SPAST: variants seen among roughly 807,000 people sequenced by gnomAD.
The protein encoded by SPAST is spastic paraplegia 4 (autosomal dominant; spastin).
A neutral mutation model predicts 76.6 loss-of-function variants in SPAST; 30 were observed. That is an observed-to-expected ratio of 0.39 (90% CI 0.29 to 0.53). The LOEUF (loss-of-function observed/expected upper bound fraction) is 0.53. SPAST is among the 20% of genes least tolerant of loss of function. The pLI is 0.68. For missense variants in SPAST, 717 were observed against 770.5 expected, an observed-to-expected ratio of 0.93 and a Z score of 0.82; for synonymous variants, 305 against 281.0, an observed-to-expected ratio of 1.09 and a Z score of -0.86.
chr2:32,083,771 TA>T lies in SPAST; in HGVS notation c.416-3720del, dbSNP rs1256256432. Among the ~76,000 whole-genome samples, 278 of 93,414 alleles carry T rather than the reference TA, an allele frequency of 3.0e-3. 6 individuals carry two copies. Among genetic ancestry groups the T allele is most frequent in the Non-Finnish European group, 4.4e-3 (218 of 49,002 alleles). The allele number at this position is 93,414 out of a possible 152,430, so 61.3% of individuals were successfully genotyped here. A position where few individuals can be genotyped will look rare whatever the true frequency, so the allele number is the denominator to read the frequency against. On this transcript the variant is annotated intron_variant, in intron 1 of 16. Coordinates refer to ENST00000315285, the MANE Select transcript of SPAST (RefSeq NM_014946.4). ...TATACTATATATATATATATATATA[TA>T]TATATTTTTTTTTTTTTTTGAGATG...
rs1357607987 is a variant in SPAST, at chr2:32,063,616, G to C, written c.-216G>C. 3 of 592,828 alleles carry C rather than the reference G, an allele frequency of 5.1e-6. No homozygotes were observed. The highest frequency in any genetic ancestry group is 5.7e-6 in the Non-Finnish European group (2 of 348,848). 36.7% of individuals were successfully genotyped at this position (592,828 alleles called of 1,614,324 possible). A position where few individuals can be genotyped will look rare whatever the true frequency, so the allele number is the denominator to read the frequency against. Reference sequence around the variant, plus strand: ...GACAGCGACAGGAAGGGAGGGGCCCGAGCCACCGACTGCAGGAGGAGAAGG... The same window carrying C: ...GACAGCGACAGGAAGGGAGGGGCCCCAGCCACCGACTGCAGGAGGAGAAGG... On this transcript the variant is annotated 5_prime_UTR_variant, in exon 1 of 17. Transcript: ENST00000315285.
chr2:32,086,316 G>A (rs1677472316), intron 1 of SPAST, among the ~76,000 whole-genome samples: 1 of 151,878 alleles, frequency 6.6e-6, no homozygotes, highest in Non-Finnish European at 1.5e-5. Context: ...ACAAAAATTA[G>A]CTAAGTGTGG....
chr2:32,137,019 C>G (rs763013768), intron 11 of SPAST, 51 bp downstream of exon 11: 1 of 1,257,126 alleles, frequency 8.0e-7, no homozygotes, highest in Non-Finnish European at 1.1e-6. Flanking sequence ...AGTATATTTT[C>G]CTATTAAATG....
intron 7 of SPAST, among the ~76,000 whole-genome samples, chr2:32,119,018 A>C (rs1337159358): frequency 6.6e-6 from 1 of 152,196 alleles, no homozygotes; most frequent in African/African-American, 2.4e-5. Flanking sequence ...AAGTTATTTC[A>C]AATAAAGTTG....
At chr2:32,118,986 A>C (rs1372904245) in intron 7 of SPAST, among the ~76,000 whole-genome samples, 1 of 152,188 alleles carries the variant, frequency 6.6e-6, no homozygotes. Context: ...AGAAGCTATA[A>C]TAATGTAAAA....
intron 1 of SPAST, among the ~76,000 whole-genome samples, chr2:32,080,642 A>G (rs1361349767): frequency 6.6e-6 from 1 of 152,124 alleles, no homozygotes; most frequent in Non-Finnish European, 1.5e-5. Flanking sequence ...ACTGGAGACC[A>G]TTGGAAGATT....
Position 32,093,125 on chromosome 2 carries a change from A to G in SPAST, c.586+3520A>G, listed in dbSNP as rs554415338. Among the ~76,000 whole-genome samples the G allele has an allele frequency of 2.0e-4, 30 of 152,018 alleles. No individual in the cohort carries two copies. The South Asian group carries it at 2.7e-3, about 14-fold the overall frequency. On this transcript the variant is annotated intron_variant, in intron 3 of 16. Transcript: ENST00000315285. ...GAGACCAGCTGGGTGCCTGGGCAAC[A>G]TAGTGAAACCCCGTCTCTACTAAAA... is the stretch of plus-strand genomic sequence containing the variant.
chr2:32,075,894 C>CTT (rs1286144548), intron 1 of SPAST, among the ~76,000 whole-genome samples: 3,461 of 87,026 alleles, frequency 0.04, 448 homozygotes, highest in South Asian at 0.067. Flanking sequence ...ATTCAAAATG[C>CTT]TCTTTTTTTT....
intron 1 of SPAST, among the ~76,000 whole-genome samples, chr2:32,084,111 A>T (rs868177501): frequency 1.5e-4 from 22 of 151,452 alleles, no homozygotes; most frequent in African/African-American, 5.3e-4. Context: ...CAGTTTGTTG[A>T]TTTCTGGTGA....
chr2:32,086,389 C>T (rs1484146379), intron 1 of SPAST, among the ~76,000 whole-genome samples: 2 of 151,690 alleles, frequency 1.3e-5, no homozygotes, highest in Non-Finnish European at 1.5e-5. Flanking sequence ...TCACTTGAGC[C>T]CAGGAGTTGG....
chr2:32,135,691 G>A (rs1679514252), intron 9 of SPAST, among the ~76,000 whole-genome samples: 1 of 152,018 alleles, frequency 6.6e-6, no homozygotes, highest in Non-Finnish European at 1.5e-5. Flanking sequence ...GGTGGCTCAT[G>A]CCTGTAATTC....
At chr2:32,118,580 T>G (rs1356892448) in intron 7 of SPAST, among the ~76,000 whole-genome samples, 1 of 152,126 alleles carries the variant, frequency 6.6e-6, no homozygotes, top group African/African-American at 2.4e-5. Flanking sequence ...AAAGCTTGCT[T>G]AAAGAGGATT....
intron 10 of SPAST, 69 bp downstream of exon 10, chr2:32,136,707 C>G: frequency 6.6e-6 from 9 of 1,368,464 alleles, no homozygotes; most frequent in Admixed American, 1.7e-5. Context: ...AGGAAAGATA[C>G]GATTGGAAAC....
chr2:32,070,188 C>A lies in SPAST; in HGVS notation c.415+5942C>A, dbSNP rs538836567. On this transcript the variant is annotated intron_variant, in intron 1 of 16. Transcript: ENST00000315285. ...TCAAGCGATTCTCCTGCCTCAGTCT[C>A]CCGAGTAGCTGGTACTACAGGCGTG... Among the ~76,000 whole-genome samples, 37 of 151,970 alleles carry A rather than the reference C, an allele frequency of 2.4e-4. 1 individual carries two copies. In the South Asian group the frequency reaches 5.2e-3, roughly 21 times the overall value.
intron 1 of SPAST, among the ~76,000 whole-genome samples, chr2:32,070,461 A>C (rs1050240660): frequency 6.6e-6 from 1 of 152,340 alleles, no homozygotes; most frequent in East Asian, 1.9e-4. Context: ...AATTCTGTTG[A>C]CTTAATGAGA....
At chr2:32,084,149 C>T (rs1464822723) in intron 1 of SPAST, among the ~76,000 whole-genome samples, 2 of 151,358 alleles carry the variant, frequency 1.3e-5, no homozygotes, top group African/African-American at 2.4e-5. Context: ...AACTATGACT[C>T]AATAGTTTCA....
chr2:32,125,268 G>A (rs575089280), intron 7 of SPAST, among the ~76,000 whole-genome samples: 2 of 151,850 alleles, frequency 1.3e-5, no homozygotes, highest in South Asian at 4.1e-4. Context: ...TTGTTGCCCA[G>A]GCTGGAATAC....
rs1678798429 is a variant in SPAST, at chr2:32,115,617, A to G, written c.871-85A>G. On this transcript the variant is annotated intron_variant, in intron 5 of 16. Transcript: ENST00000315285. ...CCTTTTTCCTATTTTTAAAGCTTGA[A>G]TTCTGTGAACTTTAAGGTTAACTTA... 5.7e-6 allele frequency: 6 copies of G among 1,057,834 alleles called. No individual in the cohort carries two copies. The East Asian group carries it at 1.4e-4, about 26-fold the overall frequency. The allele number at this position is 1,057,834 out of a possible 1,614,324, so 65.5% of individuals were successfully genotyped here.
chr2:32,110,557 AGTG>A (rs1678524503), intron 4 of SPAST, among the ~76,000 whole-genome samples: 2 of 123,638 alleles, frequency 1.6e-5, no homozygotes, highest in African/African-American at 3.1e-5. Context: ...TATACTATAT[AGTG>A]TGTATATATA....
Sources: gnomAD v4.1 joint callset for allele counts (sites outside exome capture counted in the v4.1 genomes callset) on GRCh38, gnomAD v4.1.1 for gene constraint, MANE v1.5 for transcripts, NCBI Gene and HGNC (gene_info 2026-07-23, HGNC 2026-07-21) for gene names.